JARID2: variants seen among roughly 807,000 people sequenced by gnomAD.
JARID2 encodes the protein jumonji and AT-rich interaction domain containing 2, also known as protein Jumonji.
JARID2 carries 21 observed loss-of-function variants against 125.6 expected under a neutral mutation model. The observed-to-expected ratio is 0.17, with a 90% CI of 0.12 to 0.24. The LOEUF (loss-of-function observed/expected upper bound fraction) is 0.24. Ranked by LOEUF, JARID2 falls within the 10% of genes least tolerant of loss-of-function variation. The probability of loss-of-function intolerance (pLI) is 1.00; values close to 1 mark genes in which losing one functional copy is unlikely to be tolerated. For missense variants in JARID2, 1,303 were observed against 1,639.6 expected (o/e 0.79, Z 3.55); for synonymous variants, 736 against 661.6 (o/e 1.11, Z -1.73).
intron 1 of JARID2, among the ~76,000 whole-genome samples, chr6:15,258,629 A>G (rs555516070): frequency 3.9e-5 from 6 of 152,166 alleles, no homozygotes; most frequent in Admixed American, 2.0e-4. Context: ...TGAAAATACA[A>G]AAATTAGCCA....
intron 2 of JARID2, among the ~76,000 whole-genome samples, chr6:15,407,703 G>C (rs1765707902): frequency 6.6e-6 from 1 of 152,064 alleles, no homozygotes. Context: ...TCTTGTTCTT[G>C]TTTTGGTATT....
intron 3 of JARID2, among the ~76,000 whole-genome samples, chr6:15,444,727 ACTGT>A (rs1767595078): frequency 6.9e-6 from 1 of 145,420 alleles, no homozygotes; most frequent in Admixed American, 6.9e-5. Context: ...CCAGACACGA[ACTGT>A]CTGATTTTTT....
intron 1 of JARID2, among the ~76,000 whole-genome samples, chr6:15,253,582 A>G (rs954659687): frequency 6.6e-6 from 1 of 151,598 alleles, no homozygotes; most frequent in East Asian, 1.9e-4. Flanking sequence ...CTGCGTGAGC[A>G]GCGACTGGCA....
chr6:15,307,797 T>C (rs1761886255), intron 1 of JARID2, among the ~76,000 whole-genome samples: 1 of 152,244 alleles, frequency 6.6e-6, no homozygotes, highest in Non-Finnish European at 1.5e-5. Flanking sequence ...GAGAAATATG[T>C]TCATTGCCCA....
intron 1 of JARID2, among the ~76,000 whole-genome samples, chr6:15,300,688 TG>T (rs1388008952): frequency 7.9e-6 from 1 of 127,070 alleles, no homozygotes; most frequent in African/African-American, 3.3e-5. Flanking sequence ...TCATGTTGTG[TG>T]TGTGTGTGTG....
chr6:15,289,506 T>G (rs1761126199), intron 1 of JARID2, among the ~76,000 whole-genome samples: 1 of 152,012 alleles, frequency 6.6e-6, no homozygotes, highest in South Asian at 2.1e-4. Flanking sequence ...GTGCTGGGAT[T>G]ACAGGCATGA....
intron 3 of JARID2, among the ~76,000 whole-genome samples, chr6:15,432,166 C>T (rs557273425): frequency 2.0e-5 from 3 of 152,046 alleles, no homozygotes; most frequent in African/African-American, 7.2e-5. Context: ...TGGTGGCTCC[C>T]GTTTGCAATC....
At chr6:15,471,915 T>G (rs1208040998) in intron 5 of JARID2, among the ~76,000 whole-genome samples, 2 of 152,200 alleles carry the variant, frequency 1.3e-5, no homozygotes, top group African/African-American at 4.8e-5. Context: ...TAGATACATA[T>G]CTCTGTGCAT....
intron 5 of JARID2, among the ~76,000 whole-genome samples, chr6:15,473,514 G>GGCCCCCCCCCCCC (rs1769181602): frequency 5.7e-5 from 2 of 35,000 alleles, no homozygotes; most frequent in Admixed American, 9.0e-4. Flanking sequence ...TGATGTGCGT[G>GGCCCCCCCCCCCC]CCCCCCCCCC....
At chr6:15,368,803 C>G in intron 1 of JARID2, 1 of 452,984 alleles carries the variant, frequency 2.2e-6, no homozygotes, top group Non-Finnish European at 4.5e-6. Context: ...AAGCATTCGT[C>G]TTGGAGGTTT....
At chr6:15,515,044 G>C (rs368940297) in intron 16 of JARID2, among the ~76,000 whole-genome samples, 1,597 of 83,292 alleles carry the variant, frequency 0.019, 25 homozygotes, top group Middle Eastern at 0.043. Flanking sequence ...CTCTCTCTCT[G>C]TTCTTTTTTT....
chr6:15,354,696 CA>C (rs1015436955), intron 1 of JARID2, among the ~76,000 whole-genome samples: 34 of 152,262 alleles, frequency 2.2e-4, no homozygotes, highest in African/African-American at 8.2e-4. Flanking sequence ...TAAAAGTGTA[CA>C]GTATATCGAA....
chr6:15,371,361 T>C (rs1378967218), intron 1 of JARID2, among the ~76,000 whole-genome samples: 1 of 152,164 alleles, frequency 6.6e-6, no homozygotes, highest in African/African-American at 2.4e-5. Flanking sequence ...ATGTAGGAAA[T>C]AATAGTTTAT....
chr6:15,515,390 G>A (rs1365701837), intron 16 of JARID2, among the ~76,000 whole-genome samples: 2 of 152,132 alleles, frequency 1.3e-5, no homozygotes, highest in African/African-American at 4.8e-5. Context: ...GGGTGAAGCT[G>A]GTCTGTCCCT....
chr6:15,496,442 G>A lies in JARID2; in HGVS notation c.1217G>A (p.Gly406Asp), dbSNP rs1770430029. ...ASKSTGPAVN[G>D]LKVSGRLNPK... is the part of the protein sequence containing the mutation. ...AAGTCCACTGGGCCCGCCGTCAATG[G>A]CCTCAAGGTCAGTGGCAGGTTGAAC... Residue 406 changes from glycine to aspartate, a missense_variant, in exon 7 of 18, where the codon GGC becomes GAC. Physicochemically the swap from Gly to Asp is moderately conservative, Grantham distance 94. Transcript: ENST00000341776. 1 of 1,613,728 alleles carries A rather than the reference G, an allele frequency of 6.2e-7. No individual in the cohort carries two copies. The highest frequency in any genetic ancestry group is 1.3e-5 in the African/African-American group (1 of 75,046).
rs766099626 is a variant in JARID2, at chr6:15,487,288, T to C, written c.671-19T>C. The C allele has an allele frequency of 3.7e-6, 6 of 1,606,512 alleles. No homozygotes were observed. The highest frequency in any genetic ancestry group is 5.1e-6 in the Non-Finnish European group (6 of 1,174,204). ...GGTCAAGGTAGTGATTTCATTCTTG[T>C]TTTCTCCTTCCTTTCTAGTTTTCAA... On this transcript the variant is annotated intron_variant, in intron 5 of 17. Transcript: ENST00000341776.
intron 1 of JARID2, among the ~76,000 whole-genome samples, chr6:15,253,265 A>G (rs1053909029): frequency 1.3e-5 from 2 of 152,044 alleles, no homozygotes; most frequent in African/African-American, 2.4e-5. Context: ...GGGTTTCACT[A>G]TGTTGGCCAG....
rs1039037483 is a variant in JARID2 at position 15,511,293 on chromosome 6, C to T, written c.2847-3C>T. Reference sequence around the variant, plus strand: ...TTGTCTCTTGTGTCTCTCAATGACCCAGGTATTGCATTCCTGCTGAGGAGG... The same window carrying T: ...TTGTCTCTTGTGTCTCTCAATGACCTAGGTATTGCATTCCTGCTGAGGAGG... On this transcript the variant is annotated splice_polypyrimidine_tract_variant and splice_region_variant and intron_variant, in intron 12 of 17. Transcript: ENST00000341776. The T allele has an allele frequency of 1.9e-6, 3 of 1,606,488 alleles. No homozygotes were observed. Among genetic ancestry groups the T allele is most frequent in the Non-Finnish European group, 8.5e-7 (1 of 1,173,216 alleles).
At chr6:15,380,444 G>T (rs1764536410) in intron 2 of JARID2, among the ~76,000 whole-genome samples, 1 of 152,200 alleles carries the variant, frequency 6.6e-6, no homozygotes, top group Non-Finnish European at 1.5e-5. Context: ...TTGATAGAGG[G>T]TATCAAAAAT....
Sources: gnomAD v4.1 joint callset for allele counts (sites outside exome capture counted in the v4.1 genomes callset) on GRCh38, gnomAD v4.1.1 for gene constraint, MANE v1.5 for transcripts, NCBI Gene and HGNC (gene_info 2026-07-23, HGNC 2026-07-21) for gene names.